The following PSG5 variants were observed in gnomAD, a reference collection of about 807,000 sequenced individuals.
PSG5 encodes the protein pregnancy specific beta-1-glycoprotein 5, also known as pregnancy-specific beta-1-glycoprotein 5.
PSG5 carries 53 observed loss-of-function variants against 37.7 expected under a neutral mutation model. The observed-to-expected ratio is 1.41, with a 90% confidence interval of 1.13 to 1.77. The LOEUF (loss-of-function observed/expected upper bound fraction) is 1.77. Ranked by LOEUF, PSG5 falls within the 40% of genes most tolerant of loss-of-function variation. The pLI is 0.00. For missense variants in PSG5, 547 were observed against 405.2 expected (o/e 1.35, Z -3.00); for synonymous variants, 221 against 155.4 (o/e 1.42, Z -3.14).
intron 2 of PSG5, among the ~76,000 whole-genome samples, chr19:43,179,570 C>T (rs538279549): frequency 1.1e-4 from 16 of 151,878 alleles, no homozygotes; most frequent in Admixed American, 1.1e-3. Flanking sequence ...TCTGCAGCTT[C>T]CCTTGCCAAG....
chr19:43,176,327 G>A (rs562651289), intron 2 of PSG5, among the ~76,000 whole-genome samples, 179 bp from the exon 3 acceptor site: 1 of 151,708 alleles, frequency 6.6e-6, no homozygotes, highest in Admixed American at 6.6e-5. Context: ...AGACTGTGAG[G>A]CCACCTGCTC....
intron 2 of PSG5, among the ~76,000 whole-genome samples, chr19:43,178,087 G>A (rs1969048893): frequency 6.6e-6 from 1 of 151,544 alleles, no homozygotes; most frequent in Admixed American, 6.6e-5. Context: ...AAAAGCTGGT[G>A]GTTTTGGAGC....
chr19:43,180,066 G>A (rs1969095763), intron 2 of PSG5, among the ~76,000 whole-genome samples: 1 of 151,684 alleles, frequency 6.6e-6, no homozygotes, highest in Non-Finnish European at 1.5e-5. Flanking sequence ...ACCAATATTT[G>A]GGAAGAAGTC....
intron 4 of PSG5, chr19:43,170,475 C>T (rs902691741): frequency 8.8e-6 from 4 of 452,028 alleles, no homozygotes; most frequent in Non-Finnish European, 1.7e-5. Flanking sequence ...TTCTCAGTCT[C>T]TCTGTTGTGG....
At chr19:43,181,588 A>T (rs1465488719) in intron 2 of PSG5, among the ~76,000 whole-genome samples, 1 of 151,658 alleles carries the variant, frequency 6.6e-6, no homozygotes, top group African/African-American at 2.4e-5. Flanking sequence ...CCTACCAAGT[A>T]GCTGGGACTA....
intron 2 of PSG5, among the ~76,000 whole-genome samples, chr19:43,179,921 A>G (rs2122228325): frequency 6.6e-6 from 1 of 151,924 alleles, no homozygotes; most frequent in African/African-American, 2.4e-5. Context: ...TGTAGAGGGC[A>G]GGTGAGGACC....
At chr19:43,179,849 G>T (rs1369100760) in intron 2 of PSG5, among the ~76,000 whole-genome samples, 1 of 151,434 alleles carries the variant, frequency 6.6e-6, no homozygotes, top group African/African-American at 2.4e-5. Flanking sequence ...ACAGGCAAGA[G>T]CTGATAGCTT....
In PSG5 at chr19:43,170,092, CT is replaced by C. The variant is rs1968871853; in HGVS notation, c.*2del. 1 of 1,582,032 alleles carries C rather than the reference CT, an allele frequency of 6.3e-7. No homozygotes were observed. Among genetic ancestry groups the C allele is most frequent in the Non-Finnish European group, 8.7e-7 (1 of 1,155,994 alleles). On this transcript the variant is annotated 3_prime_UTR_variant, in exon 5 of 6. Coordinates refer to ENST00000342951, the MANE Select transcript of PSG5 (RefSeq NM_002781.4). ...CTGAAATACAGAAATGACTTCACGG[CT>C]GCTATATTGGATTAAGGAGAGGAAG...
intron 2 of PSG5, chr19:43,180,239 T>C (rs1457438432): frequency 2.0e-5 from 3 of 151,614 alleles, no homozygotes; most frequent in African/African-American, 7.3e-5. Context: ...GTGTGCGGTT[T>C]CAGTTATGCA....
At chr19:43,179,070 G>A (rs764829327) in intron 2 of PSG5, 1 of 1,612,362 alleles carries the variant, frequency 6.2e-7, no homozygotes, top group South Asian at 1.1e-5. Flanking sequence ...TGTGTCTGAA[G>A]CCGCAGGATC....
chr19:43,170,245 A>G (rs1420422252), intron 4 of PSG5, 107 bp from the exon 5 acceptor site: 1 of 1,043,608 alleles, frequency 9.6e-7, no homozygotes, highest in Non-Finnish European at 1.4e-6. Flanking sequence ...TGTTTCTTCA[A>G]GTACTACATT....
chr19:43,175,109 C>T, intron 4 of PSG5, 106 bp downstream of exon 4: 2 of 1,602,288 alleles, frequency 1.2e-6, no homozygotes, highest in South Asian at 1.1e-5. Flanking sequence ...TTTGCTTGTG[C>T]CCATGGGACA....
intron 4 of PSG5, among the ~76,000 whole-genome samples, chr19:43,173,624 A>G (rs1239141949): frequency 1.5e-4 from 23 of 151,776 alleles, no homozygotes; most frequent in Admixed American, 9.2e-4. Flanking sequence ...ACGAATACTT[A>G]GAGATATGCA....
Position 43,167,843 on chromosome 19 carries a change from A to T in PSG5, c.*401T>A. The T allele has an allele frequency of 3.3e-6, 1 of 302,482 alleles. No individual in the cohort carries two copies. Among genetic ancestry groups the T allele is most frequent in the Non-Finnish European group, 6.2e-6 (1 of 162,058 alleles). 18.7% of individuals were successfully genotyped at this position (302,482 alleles called of 1,614,324 possible). A position where few individuals can be genotyped will look rare whatever the true frequency, so the allele number is the denominator to read the frequency against. ...GATAGAGAGCAAAAGCAAATGTTTC[A>T]ATTTTTGTTTACAAAAGTATACTTT... On this transcript the variant is annotated 3_prime_UTR_variant, in exon 6 of 6. Coordinates refer to ENST00000342951, the MANE Select transcript of PSG5 (RefSeq NM_002781.4).
At chr19:43,181,108 T>C (rs1182611341) in intron 2 of PSG5, among the ~76,000 whole-genome samples, 1 of 151,566 alleles carries the variant, frequency 6.6e-6, no homozygotes, top group Non-Finnish European at 1.5e-5. Context: ...CTCCAACTTA[T>C]GAAAATGGCA....
chr19:43,172,070 A>T (rs1968918798), intron 4 of PSG5, among the ~76,000 whole-genome samples: 2 of 151,504 alleles, frequency 1.3e-5, no homozygotes, highest in African/African-American at 4.9e-5. Flanking sequence ...AAGTACTATA[A>T]ATAATTTTAT....
intron 4 of PSG5, among the ~76,000 whole-genome samples, chr19:43,172,531 T>C (rs1227539824): frequency 6.6e-6 from 1 of 151,694 alleles, no homozygotes; most frequent in Non-Finnish European, 1.5e-5. Flanking sequence ...AATTCAGTAA[T>C]GTTGCACAAT....
At chr19:43,179,722 G>T (rs2122227735) in intron 2 of PSG5, among the ~76,000 whole-genome samples, 1 of 151,824 alleles carries the variant, frequency 6.6e-6, no homozygotes, top group South Asian at 2.1e-4. Context: ...TCAGTCATCA[G>T]GCAGTGGAGC....
intron 5 of PSG5, among the ~76,000 whole-genome samples, chr19:43,168,952 A>G (rs1407200342): frequency 6.6e-6 from 1 of 151,632 alleles, no homozygotes; most frequent in East Asian, 1.9e-4. Context: ...TCTACCTATT[A>G]CAACAAGAGT....
Sources: gnomAD v4.1 joint callset for allele counts (sites outside exome capture counted in the v4.1 genomes callset) on GRCh38, gnomAD v4.1.1 for gene constraint, MANE v1.5 for transcripts, NCBI Gene and HGNC (gene_info 2026-07-23, HGNC 2026-07-21) for gene names.